The following VPS13B variants were observed in gnomAD, a reference collection of about 807,000 sequenced individuals.
VPS13B encodes intermembrane lipid transfer protein VPS13B.
Under a neutral mutation model 426.4 loss-of-function variants are expected in VPS13B, and 285 were observed. That is an observed-to-expected ratio of 0.67 (90% confidence interval 0.61 to 0.74). The LOEUF (loss-of-function observed/expected upper bound fraction) is 0.74, where lower values mean the gene tolerates loss of function less well. Among genes scored for constraint, VPS13B ranks in the 30% least tolerant of loss-of-function variants. The probability of loss-of-function intolerance (pLI) is 0.00; values close to 1 mark genes in which losing one functional copy is unlikely to be tolerated. For synonymous variants in VPS13B, 1,676 were observed against 1,676.4 expected (o/e 1.00, Z 0.01); for missense variants, 4,537 against 4,782.6 (o/e 0.95, Z 1.51).
intron 24 of VPS13B, among the ~76,000 whole-genome samples, chr8:99,475,805 C>T (rs1396398466): frequency 6.6e-6 from 1 of 152,218 alleles, no homozygotes; most frequent in Non-Finnish European, 1.5e-5. Flanking sequence ...TGCCACCTTT[C>T]TCCTGTTCTC....
At chr8:99,499,826 A>C (rs927098018) in intron 25 of VPS13B, among the ~76,000 whole-genome samples, 1 of 152,188 alleles carries the variant, frequency 6.6e-6, no homozygotes, top group African/African-American at 2.4e-5. Flanking sequence ...TAAATCCCAG[A>C]ACACTGTTAC....
intron 39 of VPS13B, among the ~76,000 whole-genome samples, chr8:99,723,317 G>A (rs1213523805): frequency 6.6e-6 from 1 of 152,140 alleles, no homozygotes. Context: ...CACTATTACA[G>A]ATTCAGCAGT....
At chr8:99,246,978 C>T (rs1817258198) in intron 17 of VPS13B, among the ~76,000 whole-genome samples, 2 of 152,034 alleles carry the variant, frequency 1.3e-5, no homozygotes, top group Admixed American at 6.5e-5. Flanking sequence ...CTTTCTATTT[C>T]TTGCCTAATA....
intron 3 of VPS13B, among the ~76,000 whole-genome samples, chr8:99,039,547 T>G (rs866558336): frequency 6.9e-6 from 1 of 145,580 alleles, no homozygotes; most frequent in South Asian, 2.1e-4. Context: ...TTTATTAGGT[T>G]TTTTTTTTTT....
In VPS13B at chr8:99,248,757, T is replaced by G. The variant is rs1039916134; in HGVS notation, c.2516-25441T>G. Among the ~76,000 whole-genome samples, 7 of 152,324 alleles carry G rather than the reference T, an allele frequency of 4.6e-5. No individual in the cohort carries two copies. In the East Asian group the frequency reaches 1.3e-3, roughly 29 times the overall value. On this transcript the variant is annotated intron_variant, in intron 17 of 61. Transcript: ENST00000357162. ...AAATTTGTCTTAGGTTTTAAATATTTGAACCAGATGGTTTTCTTTCTAAAT... is the reference window on the plus strand; with the variant it reads ...AAATTTGTCTTAGGTTTTAAATATTGGAACCAGATGGTTTTCTTTCTAAAT...
intron 13 of VPS13B, 112 bp downstream of exon 13, chr8:99,143,277 G>T: frequency 7.3e-7 from 1 of 1,365,284 alleles, no homozygotes; most frequent in Non-Finnish European, 1.0e-6. Context: ...TTGCCTGTTT[G>T]CAAGGACTTT....
At chr8:99,101,787 G>A (rs1846765936) in intron 4 of VPS13B, among the ~76,000 whole-genome samples, 1 of 152,138 alleles carries the variant, frequency 6.6e-6, no homozygotes, top group African/African-American at 2.4e-5. Flanking sequence ...TCTCTCAGCA[G>A]GCTTTAGTGT....
At chr8:99,560,776 CAT>C (rs1363789441) in intron 31 of VPS13B, among the ~76,000 whole-genome samples, 1 of 152,224 alleles carries the variant, frequency 6.6e-6, no homozygotes, top group Non-Finnish European at 1.5e-5. Flanking sequence ...CTAAATATCA[CAT>C]GATAGCATCC....
chr8:99,822,056 A>T (rs1354656955), intron 50 of VPS13B, among the ~76,000 whole-genome samples: 1 of 152,218 alleles, frequency 6.6e-6, no homozygotes, highest in African/African-American at 2.4e-5. Context: ...TTTCAGCATA[A>T]ATCTAAAGTC....
In VPS13B at chr8:99,483,457, T is replaced by C. The variant is rs145947070; in HGVS notation, c.3870+1655T>C. On this transcript the variant is annotated intron_variant, in intron 25 of 61. Coordinates refer to ENST00000357162, the MANE Select transcript of VPS13B (RefSeq NM_152564.5). ...CAGTAAAAAAAGCTATTTAACTTTA[T>C]TGAATACAGCAGTTTCCACACTTAC... 1.8e-3 allele frequency among the ~76,000 whole-genome samples: 268 copies of C among 152,330 alleles called. 1 individual carries two copies. The highest frequency in any genetic ancestry group is 6.3e-3 in the African/African-American group (261 of 41,586).
intron 24 of VPS13B, among the ~76,000 whole-genome samples, chr8:99,478,447 G>GTTTTGTTTTTTT (rs1819822769): frequency 2.3e-5 from 2 of 85,778 alleles, no homozygotes; most frequent in African/African-American, 1.0e-4. Flanking sequence ...TTTTTGTTTT[G>GTTTTGTTTTTTT]TTTTTTTTTT....
At chr8:99,696,546 A>G (rs557998573) in intron 35 of VPS13B, 29 of 492,788 alleles carry the variant, frequency 5.9e-5, no homozygotes, top group Non-Finnish European at 9.5e-5. Flanking sequence ...GCCCGTGACC[A>G]TGAAGCTCTT....
At chr8:99,148,054 A>ATTTTTTTTTTTTTTTT in intron 14 of VPS13B, 44 bp downstream of exon 14, 1 of 1,363,422 alleles carries the variant, frequency 7.3e-7, no homozygotes, top group East Asian at 2.5e-5. Flanking sequence ...TCATATATGG[A>ATTTTTTTTTTTTTTTT]TTTTTTTTTT....
chr8:99,124,878 G>GT (rs1848120775), intron 8 of VPS13B, among the ~76,000 whole-genome samples: 1 of 47,250 alleles, frequency 2.1e-5, no homozygotes, highest in Non-Finnish European at 3.6e-5. Flanking sequence ...GCAAGACTCC[G>GT]TCTCAAAAAA....
At chr8:99,703,846 C>T (rs915747031) in intron 36 of VPS13B, among the ~76,000 whole-genome samples, 14 of 152,180 alleles carry the variant, frequency 9.2e-5, no homozygotes, top group African/African-American at 3.1e-4. Flanking sequence ...TAGATTTCGA[C>T]AAACGAGCAC....
At chr8:99,267,134 CCTAGAGACTTGTTGAGTGGCTTT>C (rs1196826295) in intron 17 of VPS13B, among the ~76,000 whole-genome samples, 8 of 152,154 alleles carry the variant, frequency 5.3e-5, no homozygotes, top group Admixed American at 2.6e-4. Context: ...TTTGGAACTT[CCTAGAGACTTGTTGAGTGGCTTT>C]GACTAAAATG....
chr8:99,380,873 TTTC>T (rs1161478122), intron 19 of VPS13B, among the ~76,000 whole-genome samples: 1 of 151,264 alleles, frequency 6.6e-6, no homozygotes, highest in African/African-American at 2.4e-5. Flanking sequence ...ATACTTTTTC[TTTC>T]TTTTTTTTTT....
chr8:99,057,245 A>G (rs994517897), intron 3 of VPS13B, among the ~76,000 whole-genome samples: 2 of 152,102 alleles, frequency 1.3e-5, no homozygotes, highest in South Asian at 4.2e-4. Context: ...TTATAAGTTA[A>G]TATTTATACC....
intron 23 of VPS13B, among the ~76,000 whole-genome samples, chr8:99,453,829 C>G (rs1818320813): frequency 6.6e-6 from 1 of 152,156 alleles, no homozygotes; most frequent in African/African-American, 2.4e-5. Context: ...CTCTCCAATT[C>G]AGTACATTTG....
Sources: allele counts gnomAD v4.1 joint callset (sites outside exome capture counted in the v4.1 genomes callset), GRCh38; gene constraint gnomAD v4.1.1; transcripts MANE v1.5; gene names NCBI Gene and HGNC (gene_info 2026-07-23, HGNC 2026-07-21).